Variants in CARMIL3 observed in about 807,000 individuals in gnomAD.
CARMIL3 encodes the protein capping protein, Arp2/3 and myosin-I linker protein 3.
A neutral mutation model predicts 180.8 loss-of-function variants in CARMIL3; 88 were observed. That is an observed-to-expected ratio of 0.49 (90% CI 0.41 to 0.58). CARMIL3 has a LOEUF of 0.58. Among genes scored for constraint, CARMIL3 ranks in the 20% least tolerant of loss-of-function variants. The probability of loss-of-function intolerance (pLI) is 0.00; values close to 1 mark genes in which losing one functional copy is unlikely to be tolerated. For synonymous variants in CARMIL3, 696 were observed against 714.5 expected, an observed-to-expected ratio of 0.97 and a Z score of 0.41; for missense variants, 1,548 against 1,787.0, an observed-to-expected ratio of 0.87 and a Z score of 2.41.
In CARMIL3 at chr14:24,057,281, T is replaced by C. The variant is rs775416704; in HGVS notation, c.1140+37T>C. The C allele has an allele frequency of 8.7e-6, 14 of 1,600,446 alleles. No individual in the cohort carries two copies. The African/African-American group carries it at 9.4e-5, about 11-fold the overall frequency. On this transcript the variant is annotated intron_variant, in intron 14 of 39. Coordinates refer to ENST00000342740, the MANE Select transcript of CARMIL3 (RefSeq NM_138360.4). ...GTGATGGGAAGCCAGTCTGAGGTGA[T>C]TTGGGGAAGACCACAGTGGGCCTCG...
intron 1 of CARMIL3, 66 bp downstream of exon 1, chr14:24,052,259 C>G: frequency 6.7e-6 from 10 of 1,488,410 alleles, no homozygotes; most frequent in Middle Eastern, 1.7e-4. Context: ...CGCGTTCCTC[C>G]CCGTGGTGCA....
chr14:24,053,362 T>C (rs778906189), intron 1 of CARMIL3, among the ~76,000 whole-genome samples: 7 of 151,808 alleles, frequency 4.6e-5, no homozygotes, highest in Non-Finnish European at 1.0e-4. Context: ...TTTGTATGTG[T>C]CAATGGCTGT....
chr14:24,055,899 T>C, intron 10 of CARMIL3, 110 bp downstream of exon 10: 1 of 1,058,810 alleles, frequency 9.4e-7, no homozygotes, highest in Non-Finnish European at 1.4e-6. Flanking sequence ...AGTGCCTCTC[T>C]CTACAGAAGA....
At position 24,054,672 on chromosome 14, in the gene CARMIL3, C is replaced by T; in HGVS notation, c.363-39C>T. 1 of 1,594,702 alleles carries T rather than the reference C, an allele frequency of 6.3e-7. No homozygotes were observed. ...ATAACGTGGGAAGAACTGAGAGCCT[C>T]TTTCCAGCCCTCTCTGGAATGACTT... On this transcript the variant is annotated intron_variant, in intron 5 of 39. Coordinates refer to ENST00000342740, the MANE Select transcript of CARMIL3 (RefSeq NM_138360.4). The surrounding 1 kb of genome is among the most constrained non-coding windows in gnomAD (Gnocchi z 5.1).
Position 24,065,137 on chromosome 14 carries a change from C to A in CARMIL3, c.3260C>A (p.Pro1087Gln). The A allele has an allele frequency of 6.9e-7, 1 of 1,444,634 alleles. No individual in the cohort carries two copies. The highest frequency in any genetic ancestry group is 2.6e-5 in the East Asian group (1 of 38,742). 89.5% of individuals were successfully genotyped at this position (1,444,634 alleles called of 1,614,324 possible). ...LLLPPPPPPPPTQESPPSPDP... is the reference protein window; with the variant it reads ...LLLPPPPPPPQTQESPPSPDP... Reference sequence around the variant, plus strand: ...CTCCCTCCACCCCCACCCCCTCCCCCGACTCAGGAGAGCCCCCCTAGCCCA... The same window carrying A: ...CTCCCTCCACCCCCACCCCCTCCCCAGACTCAGGAGAGCCCCCCTAGCCCA... The change falls in exon 33 of 40, where the codon CCG (proline) becomes CAG (glutamine). Residue 1087 changes from proline to glutamine, a missense_variant. This residue lies in a region of CARMIL3 where 668 missense variants were observed against 687.8 expected (regional missense o/e 0.97). Coordinates refer to ENST00000342740, the MANE Select transcript of CARMIL3 (RefSeq NM_138360.4).
intron 14 of CARMIL3, 90 bp downstream of exon 14, chr14:24,057,334 G>C: frequency 8.4e-7 from 1 of 1,196,432 alleles, no homozygotes; most frequent in Non-Finnish European, 1.2e-6. Context: ...TGAGTACACA[G>C]GCGGGCAGAG....
At position 24,055,225 on chromosome 14, in the gene CARMIL3, C is replaced by T. The variant is rs764560877; in HGVS notation, c.532-12C>T. 2.5e-6 allele frequency: 4 copies of T among 1,614,094 alleles called. No individual in the cohort carries two copies. The highest frequency in any genetic ancestry group is 2.5e-6 in the Non-Finnish European group (3 of 1,179,992). On this transcript the variant is annotated splice_polypyrimidine_tract_variant and intron_variant, in intron 7 of 39. Coordinates refer to ENST00000342740, the MANE Select transcript of CARMIL3 (RefSeq NM_138360.4). ...GTGGGGAGCAGGTGTGAGCCAGTTC[C>T]ACCTCTCCAAGGATGTGGACACCAT...
chr14:24,055,136 G>C lies in CARMIL3; in HGVS notation c.531G>C (p.Trp177Cys), dbSNP rs926168116. ...TACACTGCCGTGAGGAGGTTCAATG[G>C]GTATGTTGGGCAGGGACCCCATAGG... Reference protein sequence around the residue: ...NGLHCREEVQWDVDTIYHAED... With the variant: ...NGLHCREEVQCDVDTIYHAED... The change falls in exon 7 of 40, where the codon TGG (tryptophan) becomes TGC (cysteine). Residue 177 changes from tryptophan (W) to cysteine (C), a missense_variant and splice_region_variant. Trp to Cys is a radical substitution (Grantham distance 215). Transcript: ENST00000342740. 1.2e-6 allele frequency: 2 copies of C among 1,614,048 alleles called. No homozygotes were observed. Among genetic ancestry groups the C allele is most frequent in the Non-Finnish European group, 1.7e-6 (2 of 1,180,012 alleles).
rs1192452687 is a variant in CARMIL3 at position 24,052,056 on chromosome 14, C to T, written c.-98C>T. 1 of 1,281,788 alleles carries T rather than the reference C, an allele frequency of 7.8e-7. No individual in the cohort carries two copies. Among genetic ancestry groups the T allele is most frequent in the Admixed American group, 3.3e-5 (1 of 30,706 alleles). 79.4% of individuals were successfully genotyped at this position (1,281,788 alleles called of 1,614,324 possible). A position where few individuals can be genotyped will look rare whatever the true frequency, so the allele number is the denominator to read the frequency against. ...CGGGCTCGGCCGCTGCTGCAGCGCT[C>T]AGCGCCCGGGCCCTGCTGAAGCCGG... is the stretch of plus-strand genomic sequence containing the variant. On this transcript the variant is annotated 5_prime_UTR_variant, in exon 1 of 40. Transcript: ENST00000342740.
intron 14 of CARMIL3, among the ~76,000 whole-genome samples, 200 bp from the exon 15 acceptor site, chr14:24,057,603 G>A (rs1239080261): frequency 6.6e-6 from 1 of 152,082 alleles, no homozygotes; most frequent in Non-Finnish European, 1.5e-5. Context: ...CTGGAAGCCA[G>A]GCAGGGAGTA....
chr14:24,057,079 A>T, intron 13 of CARMIL3, 55 bp downstream of exon 13: 1 of 1,595,822 alleles, frequency 6.3e-7, no homozygotes, highest in Non-Finnish European at 8.6e-7. Flanking sequence ...AAGCTTCAGG[A>T]GCTGGGAGGC....
rs2035760528 is a variant in CARMIL3, at chr14:24,064,101, AAAAAAAAAAAG to A, written c.2980-139_2980-129del. 10 of 601,412 alleles carry A rather than the reference AAAAAAAAAAAG, an allele frequency of 1.7e-5. No homozygotes were observed. The South Asian group carries it at 1.8e-4, about 11-fold the overall frequency. 37.3% of individuals were successfully genotyped at this position (601,412 alleles called of 1,614,324 possible). A position where few individuals can be genotyped will look rare whatever the true frequency, so the allele number is the denominator to read the frequency against. ...AGAGCAAGACTCCGTCTCAAAAAAA[AAAAAAAAAAAG>A]AAAAAGAAACACTGGGTGAACTGAA... On this transcript the variant is annotated intron_variant, in intron 31 of 39. Coordinates refer to ENST00000342740, the MANE Select transcript of CARMIL3 (RefSeq NM_138360.4).
At chr14:24,060,084 C>G in intron 23 of CARMIL3, 21 bp downstream of exon 23, 1 of 1,613,760 alleles carries the variant, frequency 6.2e-7, no homozygotes, top group South Asian at 1.1e-5. Context: ...CTGTCCTAAG[C>G]AGGGTGGCAC....
chr14:24,058,026 C>T lies in CARMIL3; in HGVS notation c.1284C>T (p.Val428=). 6.2e-7 allele frequency: 1 copy of T among 1,613,850 alleles called. No individual in the cohort carries two copies. The highest frequency in any genetic ancestry group is 8.5e-7 in the Non-Finnish European group (1 of 1,180,034). The change falls in exon 16 of 40, where the codon GTC becomes GTT. Residue 428 remains valine, a synonymous_variant. Transcript: ENST00000342740. The surrounding 1 kb of genome is among the most constrained non-coding windows in gnomAD (Gnocchi z 6.4). ...GCAGCGCCTACACACTGAGCCACGT[C>T]AATCTGTCGGCCACAAAGCTGCCCC... ...FFSSAYTLSH[V]NLSATKLPLE...
In CARMIL3 at chr14:24,056,288, C is replaced by A; in HGVS notation, c.771-11C>A. The A allele has an allele frequency of 6.2e-7, 1 of 1,611,578 alleles. No individual in the cohort carries two copies. Among genetic ancestry groups the A allele is most frequent in the Non-Finnish European group, 8.5e-7 (1 of 1,178,134 alleles). On this transcript the variant is annotated splice_polypyrimidine_tract_variant and intron_variant, in intron 10 of 39. Transcript: ENST00000342740. ...CAGCTCAGGACAAATCCTTCCTCCCCTTCCCTGAAGGGACTTTGTCCAGAA... is the reference window on the plus strand; with the variant it reads ...CAGCTCAGGACAAATCCTTCCTCCCATTCCCTGAAGGGACTTTGTCCAGAA...
chr14:24,054,461 G>A lies in CARMIL3; in HGVS notation c.312G>A (p.Gln104=), dbSNP rs1279131799. ...MRLPSAESVD[Q]VTRHVSSALS... The stretch of plus-strand genomic sequence containing the variant: ...TGCCATCAGCTGAAAGTGTGGACCA[G>A]GTGACACGACATGTGAGCTCTGCCC... Residue 104 remains glutamine, a synonymous_variant, in exon 5 of 40, where the codon CAG becomes CAA. Coordinates refer to ENST00000342740, the MANE Select transcript of CARMIL3 (RefSeq NM_138360.4). The surrounding 1 kb of genome is among the most constrained non-coding windows in gnomAD (Gnocchi z 5.1). 1 of 1,614,186 alleles carries A rather than the reference G, an allele frequency of 6.2e-7. No individual in the cohort carries two copies. The highest frequency in any genetic ancestry group is 1.7e-5 in the Admixed American group (1 of 60,030).
intron 39 of CARMIL3, 57 bp downstream of exon 39, chr14:24,069,304 C>T (rs1054919735): frequency 1.1e-4 from 177 of 1,612,322 alleles, no homozygotes; most frequent in Non-Finnish European, 1.5e-4. Context: ...AACATGACAC[C>T]CCCCGAAGCC....
At chr14:24,055,462 C>G in intron 8 of CARMIL3, 81 bp from the exon 9 acceptor site, 1 of 1,555,130 alleles carries the variant, frequency 6.4e-7, no homozygotes, top group Admixed American at 1.7e-5. Flanking sequence ...TTCCCCAGCC[C>G]AACCACCCTA....
At position 24,059,796 on chromosome 14, in the gene CARMIL3, GAAC is replaced by G. The variant is rs2035713598; in HGVS notation, c.1868+65_1868+67del. ...GCCTCCCTGTGCCTGGATCAGGCCT[GAAC>G]TACTCTTGCCCCACCCTAGCCCCTT... On this transcript the variant is annotated intron_variant, in intron 22 of 39. Transcript: ENST00000342740. This position sits in a 1 kb window ranked among gnomAD's most constrained non-coding sequence, Gnocchi z 6.3. 1.3e-6 allele frequency: 2 copies of G among 1,573,502 alleles called. No individual in the cohort carries two copies. Among genetic ancestry groups the G allele is most frequent in the Admixed American group, 3.4e-5 (2 of 59,264 alleles).
Sources: allele counts gnomAD v4.1 joint callset (sites outside exome capture counted in the v4.1 genomes callset), GRCh38; gene constraint gnomAD v4.1.1; regional missense constraint gnomAD v4.1.1; non-coding constraint Gnocchi (gnomAD v3.1); transcripts MANE v1.5; gene names NCBI Gene and HGNC (gene_info 2026-07-23, HGNC 2026-07-21).